COLEC10: variants seen among roughly 807,000 people sequenced by gnomAD.
COLEC10 encodes collectin-10.
Under a neutral mutation model 28.4 loss-of-function variants are expected in COLEC10, and 22 were observed. The observed-to-expected ratio is 0.78, with a 90% CI of 0.55 to 1.11. The LOEUF (loss-of-function observed/expected upper bound fraction) is 1.11, where lower values mean the gene tolerates loss of function less well. Ranked by LOEUF, COLEC10 falls within the 50% of genes least tolerant of loss-of-function variation. COLEC10 has a pLI of 0.00. For missense variants in COLEC10, 361 were observed against 344.1 expected, an observed-to-expected ratio of 1.05 and a Z score of -0.39; for synonymous variants, 125 against 116.1, an observed-to-expected ratio of 1.08 and a Z score of -0.49.
chr8:118,973,986 A>C, the COLEC10 span, among the ~76,000 whole-genome samples: 1 of 151,806 alleles, frequency 6.6e-6, no homozygotes, highest in Non-Finnish European at 1.5e-5. Flanking sequence ...GCCCTGTCCC[A>C]TTTCAGGACT....
At chr8:119,029,343 CA>C (rs1378068771) in intron 2 of COLEC10, among the ~76,000 whole-genome samples, 3 of 152,172 alleles carry the variant, frequency 2.0e-5, no homozygotes, top group African/African-American at 7.2e-5. Context: ...AGACGATCAG[CA>C]ATCTGGACAA....
At chr8:118,994,367 G>A (rs1813556606), upstream of COLEC10, among the ~76,000 whole-genome samples, 1 of 152,158 alleles carries the variant, frequency 6.6e-6, no homozygotes, top group Non-Finnish European at 1.5e-5. Context: ...GAACCTGAAA[G>A]AGCCAATTTA....
chr8:119,106,187 A>T lies in COLEC10; in HGVS notation c.830A>T (p.Lys277Met). The change falls in exon 6 of 6, where the codon AAG (lysine) becomes ATG (methionine). Residue 277 changes from lysine to methionine, a missense_variant. Lys to Met is a moderately conservative substitution (Grantham distance 95). Around this residue, in one of 3 missense-constraint regions of COLEC10, gnomAD observed 22 missense variants for 17.3 expected, o/e 1.28. Coordinates refer to ENST00000332843, the MANE Select transcript of COLEC10 (RefSeq NM_006438.5). The stretch of plus-strand genomic sequence containing the variant: ...GTCTGTGAGTTCATCAAGAAGAAAA[A>T]GTAACTTCCCTCATCCTACGTATTT... ...YFVCEFIKKK[K>M] The T allele has an allele frequency of 2.5e-6, 4 of 1,597,536 alleles. No individual in the cohort carries two copies. The highest frequency in any genetic ancestry group is 3.4e-6 in the Non-Finnish European group (4 of 1,167,620).
chr8:119,071,699 G>A (rs757157382), intron 1 of COLEC10, among the ~76,000 whole-genome samples: 1 of 152,042 alleles, frequency 6.6e-6, no homozygotes, highest in Non-Finnish European at 1.5e-5. Flanking sequence ...CAAGCTTCCC[G>A]AATGGACAAG....
At chr8:119,090,225 A>G (rs1394337880) in intron 2 of COLEC10, among the ~76,000 whole-genome samples, 1 of 152,214 alleles carries the variant, frequency 6.6e-6, no homozygotes, top group Non-Finnish European at 1.5e-5. Flanking sequence ...TATATACAAA[A>G]GAATAACACA....
At chr8:119,062,746 C>T (rs1222383557), upstream of COLEC10, among the ~76,000 whole-genome samples, 1 of 152,122 alleles carries the variant, frequency 6.6e-6, no homozygotes, top group Non-Finnish European at 1.5e-5. Context: ...TCCCAAAGTG[C>T]TGGGATTACA....
At chr8:119,010,988 T>C (rs1813891914) in intron 2 of COLEC10, among the ~76,000 whole-genome samples, 1 of 151,066 alleles carries the variant, frequency 6.6e-6, no homozygotes, top group Non-Finnish European at 1.5e-5. Context: ...GCAGGAATTG[T>C]TCATTTTAAT....
chr8:119,102,504 T>C, intron 4 of COLEC10, 103 bp downstream of exon 4: 2 of 950,436 alleles, frequency 2.1e-6, no homozygotes, highest in Non-Finnish European at 1.6e-6. Flanking sequence ...CCTTTTAGTA[T>C]GCTTAACCTT....
At chr8:119,086,089 G>A (rs1209428161) in intron 1 of COLEC10, among the ~76,000 whole-genome samples, 1 of 152,092 alleles carries the variant, frequency 6.6e-6, no homozygotes, top group Non-Finnish European at 1.5e-5. Flanking sequence ...GTACTGGCCT[G>A]GATTCCAACT....
chr8:118,999,907 G>GA (rs530178794), intron 1 of COLEC10, among the ~76,000 whole-genome samples: 1 of 89,896 alleles, frequency 1.1e-5, no homozygotes, highest in South Asian at 3.8e-4. Flanking sequence ...ATTCTTTAAA[G>GA]AGTTTTTTTG....
intron 1 of COLEC10, among the ~76,000 whole-genome samples, chr8:119,088,898 T>C (rs1333331739): frequency 6.6e-6 from 1 of 152,120 alleles, no homozygotes; most frequent in African/African-American, 2.4e-5. Context: ...CCCACTCCAG[T>C]AGGTGTTATC....
chr8:119,056,498 C>T (rs1658406443), intron 2 of COLEC10, among the ~76,000 whole-genome samples: 1 of 151,888 alleles, frequency 6.6e-6, no homozygotes. Context: ...TTGTAGCAGC[C>T]CTTTTGTGAG....
rs1372569718 is a variant in COLEC10, at chr8:119,105,808, G to C, written c.451G>C (p.Gly151Arg). The C allele has an allele frequency of 1.2e-6, 2 of 1,609,342 alleles. No homozygotes were observed. Among genetic ancestry groups the C allele is most frequent in the Non-Finnish European group, 1.7e-6 (2 of 1,176,512 alleles). The change falls in exon 6 of 6, where the codon GGG becomes CGG. Residue 151 changes from glycine (G) to arginine (R), a missense_variant. Transcript: ENST00000332843. ...TTTTTCTCTCCCTGCAGTGATAGCA[G>C]GGATTAGGGAAACTGAAGAGAAATT... ...SMKFVKNVIA[G>R]IRETEEKFYY...
chr8:119,010,814 G>T (rs891130268), intron 2 of COLEC10, among the ~76,000 whole-genome samples: 9 of 151,102 alleles, frequency 6.0e-5, no homozygotes, highest in African/African-American at 2.2e-4. Flanking sequence ...TGAGGTGTCT[G>T]TTAATGTCTG....
intron 1 of COLEC10, among the ~76,000 whole-genome samples, chr8:119,069,123 C>T (rs917065551): frequency 1.3e-5 from 2 of 152,060 alleles, no homozygotes; most frequent in Non-Finnish European, 2.9e-5. Flanking sequence ...ACATACCAAG[C>T]TTTGTATTCT....
At chr8:119,020,416 T>G (rs1814071252) in intron 2 of COLEC10, among the ~76,000 whole-genome samples, 2 of 152,268 alleles carry the variant, frequency 1.3e-5, no homozygotes, top group Admixed American at 1.3e-4. Flanking sequence ...GGTTTTTGCC[T>G]TTTCCAAAAA....
intron 2 of COLEC10, among the ~76,000 whole-genome samples, chr8:119,013,690 TAA>T (rs1309837881): frequency 6.6e-6 from 1 of 150,794 alleles, no homozygotes; most frequent in East Asian, 1.9e-4. Flanking sequence ...GTTATGTCTT[TAA>T]AAACTGATCA....
Position 119,006,199 on chromosome 8 carries a change from A to G in COLEC10, n.123-3242A>G, listed in dbSNP as rs114292913. 2.9e-3 allele frequency among the ~76,000 whole-genome samples: 436 copies of G among 152,182 alleles called. 2 individuals are homozygous for G. The highest frequency in any genetic ancestry group is 0.01 in the African/African-American group (423 of 41,542). ...GTGCTCAGGAGGGAATGTTGTGATG[A>G]ATCAGACTAATGGTGTAAGTGGACC... On this transcript the variant is annotated intron_variant and non_coding_transcript_variant, in intron 1 of 6. Coordinates refer to the COLEC10 transcript ENST00000521788.
intron 3 of COLEC10, among the ~76,000 whole-genome samples, chr8:119,097,252 G>T (rs1426469227): frequency 2.6e-5 from 4 of 151,628 alleles, no homozygotes; most frequent in Admixed American, 1.3e-4. Context: ...ACTTTTCTTT[G>T]TGTTTTTTTT....
Sources: allele counts gnomAD v4.1 joint callset (sites outside exome capture counted in the v4.1 genomes callset), GRCh38; gene constraint gnomAD v4.1.1; regional missense constraint gnomAD v4.1.1; transcripts MANE v1.5; gene names NCBI Gene and HGNC (gene_info 2026-07-23, HGNC 2026-07-21).